The following NRXN3 variants were observed in gnomAD, a reference collection of about 807,000 sequenced individuals.
NRXN3 encodes neurexin 3.
Under a neutral mutation model 137.6 loss-of-function variants are expected in NRXN3, and 32 were observed. The observed-to-expected ratio is 0.23, with a 90% CI of 0.18 to 0.31. NRXN3 has a LOEUF of 0.31. Among genes scored for constraint, NRXN3 ranks in the 10% least tolerant of loss-of-function variants. The pLI is 1.00. For missense variants in NRXN3, 1,574 were observed against 2,062.5 expected (o/e 0.76, Z 4.59); for synonymous variants, 798 against 784.5 (o/e 1.02, Z -0.29).
At chr14:78,271,187 T>C (rs2072669600) in intron 2 of NRXN3, among the ~76,000 whole-genome samples, 1 of 152,252 alleles carries the variant, frequency 6.6e-6, no homozygotes, top group Non-Finnish European at 1.5e-5. Flanking sequence ...ATAGAACTGC[T>C]TCCTCTATTA....
intron 15 of NRXN3, among the ~76,000 whole-genome samples, chr14:79,188,230 G>T (rs760282942): frequency 5.3e-5 from 8 of 152,130 alleles, no homozygotes; most frequent in Non-Finnish European, 1.2e-4. Flanking sequence ...CAATTTGGTG[G>T]TGATAGTGGA....
intron 15 of NRXN3, among the ~76,000 whole-genome samples, chr14:78,996,499 A>G (rs1302364134): frequency 6.6e-6 from 1 of 152,220 alleles, no homozygotes; most frequent in Non-Finnish European, 1.5e-5. Context: ...GATTCACATT[A>G]GCCACAGAGC....
At chr14:78,889,167 A>G (rs1792810707) in intron 10 of NRXN3, among the ~76,000 whole-genome samples, 1 of 152,008 alleles carries the variant, frequency 6.6e-6, no homozygotes, top group Non-Finnish European at 1.5e-5. Context: ...TCACATCATC[A>G]TTCCATTTCT....
At chr14:78,668,196 G>T (rs2097904141) in intron 6 of NRXN3, among the ~76,000 whole-genome samples, 1 of 152,166 alleles carries the variant, frequency 6.6e-6, no homozygotes, top group African/African-American at 2.4e-5. Flanking sequence ...ATTGGGTATT[G>T]CTTGATGATC....
intron 10 of NRXN3, among the ~76,000 whole-genome samples, chr14:78,839,760 A>G (rs988802607): frequency 2.6e-5 from 4 of 152,218 alleles, no homozygotes; most frequent in Admixed American, 2.0e-4. Context: ...CTGGAGCAAG[A>G]AAGTCTTAGA....
chr14:78,664,173 ACCAC>A (rs907556081), intron 6 of NRXN3, among the ~76,000 whole-genome samples: 4 of 152,122 alleles, frequency 2.6e-5, no homozygotes, highest in Non-Finnish European at 5.9e-5. Flanking sequence ...CTTTTCCCTC[ACCAC>A]CCAATATCAG....
At chr14:79,851,084 T>C (rs921023524) in intron 20 of NRXN3, among the ~76,000 whole-genome samples, 1 of 152,176 alleles carries the variant, frequency 6.6e-6, no homozygotes, top group Non-Finnish European at 1.5e-5. Context: ...AGTAGAAGCC[T>C]TAGAGAACCC....
chr14:79,565,331 ATATATACATATGTGTGCGTATATG>A (rs2097540630), intron 16 of NRXN3, among the ~76,000 whole-genome samples: 1 of 146,076 alleles, frequency 6.8e-6, no homozygotes, highest in African/African-American at 2.5e-5. Context: ...GTGTGTATAT[ATATATACATATGTGTGCGTATATG>A]TATACACACA....
chr14:79,666,606 T>C (rs1429699762), intron 17 of NRXN3, among the ~76,000 whole-genome samples: 6 of 152,192 alleles, frequency 3.9e-5, no homozygotes, highest in African/African-American at 1.4e-4. Context: ...CTGTTTCCAA[T>C]TGGGCAGTTT....
chr14:78,833,164 G>A (rs1383047128), intron 10 of NRXN3, among the ~76,000 whole-genome samples: 1 of 152,114 alleles, frequency 6.6e-6, no homozygotes, highest in African/African-American at 2.4e-5. Context: ...AAGTAAAACA[G>A]CTTATTTTCA....
chr14:78,354,574 A>G (rs1339668772), intron 4 of NRXN3, among the ~76,000 whole-genome samples: 36 of 152,156 alleles, frequency 2.4e-4, no homozygotes, highest in Admixed American at 2.2e-3. Context: ...GATCATTGGG[A>G]CAATTTTCTA....
At chr14:79,276,056 C>G (rs953774780) in intron 15 of NRXN3, among the ~76,000 whole-genome samples, 21 of 152,118 alleles carry the variant, frequency 1.4e-4, no homozygotes, top group African/African-American at 5.1e-4. Context: ...AAGGGACCCA[C>G]TAGAAAAGCC....
At chr14:78,606,195 A>G (rs954752224) in intron 4 of NRXN3, among the ~76,000 whole-genome samples, 3 of 152,254 alleles carry the variant, frequency 2.0e-5, no homozygotes, top group African/African-American at 7.2e-5. Flanking sequence ...AAATTTACAC[A>G]TTAACATCTA....
chr14:78,449,824 T>C (rs1423339342), intron 4 of NRXN3, among the ~76,000 whole-genome samples: 3 of 152,236 alleles, frequency 2.0e-5, no homozygotes, highest in Non-Finnish European at 2.9e-5. Context: ...AAGGAAGATA[T>C]GACTTATCCA....
intron 4 of NRXN3, among the ~76,000 whole-genome samples, chr14:78,421,962 T>A (rs976158568): frequency 6.6e-6 from 1 of 152,348 alleles, no homozygotes; most frequent in South Asian, 2.1e-4. Flanking sequence ...AGTATTGGAA[T>A]GGGAGCAGGC....
intron 8 of NRXN3, among the ~76,000 whole-genome samples, chr14:78,739,804 G>A (rs992544892): frequency 2.6e-5 from 4 of 152,106 alleles, no homozygotes. Context: ...CTGGAGGAAG[G>A]GATACAATTA....
chr14:79,305,161 T>C (rs1260714825), intron 15 of NRXN3, among the ~76,000 whole-genome samples: 1 of 152,102 alleles, frequency 6.6e-6, no homozygotes, highest in Admixed American at 6.6e-5. Flanking sequence ...ATTTATGTAG[T>C]CTGTGATGAT....
chr14:78,778,734 CTCTCTT>C (rs1206091787), intron 8 of NRXN3, among the ~76,000 whole-genome samples: 7 of 128,098 alleles, frequency 5.5e-5, no homozygotes, highest in African/African-American at 1.8e-4. Context: ...TTCTTTCTCT[CTCTCTT>C]TCTTTCTTTC....
In NRXN3 at chr14:79,862,050, T is replaced by G. The variant is rs1189038618; in HGVS notation, c.*86T>G. The G allele has an allele frequency of 2.6e-6, 3 of 1,152,276 alleles. No individual in the cohort carries two copies. The highest frequency in any genetic ancestry group is 3.7e-6 in the Non-Finnish European group (3 of 814,760). 71.4% of individuals were successfully genotyped at this position (1,152,276 alleles called of 1,614,324 possible). ...TTTGGACGGTGAGATCTCACAGATG[T>G]CAGAACTGCTGGAACTATGAAATGG... On this transcript the variant is annotated 3_prime_UTR_variant, in exon 21 of 21. Coordinates refer to ENST00000335750, the MANE Select transcript of NRXN3 (RefSeq NM_001330195.2).
Sources: gnomAD v4.1 joint callset for allele counts (sites outside exome capture counted in the v4.1 genomes callset) on GRCh38, gnomAD v4.1.1 for gene constraint, MANE v1.5 for transcripts, NCBI Gene and HGNC (gene_info 2026-07-23, HGNC 2026-07-21) for gene names.